The following CCDC192 variants were observed in gnomAD, a reference collection of about 807,000 sequenced individuals.
The protein encoded by CCDC192 is coiled-coil domain-containing protein 192.
At chr5:127,933,103 G>A (rs1754087323) in intron 6 of CCDC192, among the ~76,000 whole-genome samples, 1 of 152,322 alleles carries the variant, frequency 6.6e-6, no homozygotes, top group African/African-American at 2.4e-5. Flanking sequence ...GAGAATTGTG[G>A]AAATGTAGCA....
intron 5 of CCDC192, among the ~76,000 whole-genome samples, chr5:127,858,573 G>A (rs1479165883): frequency 6.6e-6 from 1 of 152,182 alleles, no homozygotes. Context: ...TCCATAACTA[G>A]ACTCTAAATA....
intron 5 of CCDC192, among the ~76,000 whole-genome samples, chr5:127,818,055 A>ATATG (rs1003817810): frequency 2.8e-4 from 43 of 152,338 alleles, no homozygotes; most frequent in African/African-American, 1.0e-3. Flanking sequence ...AGAATAAAGT[A>ATATG]TATGAAAAAA....
At chr5:127,749,625 CATAAA>C (rs1306954877) in intron 2 of CCDC192, among the ~76,000 whole-genome samples, 2 of 151,956 alleles carry the variant, frequency 1.3e-5, no homozygotes, top group Non-Finnish European at 2.9e-5. Flanking sequence ...ATGCTGGCCT[CATAAA>C]ATGAGTTAGG....
intron 3 of CCDC192, among the ~76,000 whole-genome samples, chr5:127,781,633 C>G (rs1309954987): frequency 6.7e-6 from 1 of 148,844 alleles, no homozygotes; most frequent in African/African-American, 2.5e-5. Flanking sequence ...ATTTGATTCT[C>G]CACTTGGTTG....
At chr5:127,830,763 GAA>G (rs59551951) in intron 5 of CCDC192, among the ~76,000 whole-genome samples, 15 of 123,276 alleles carry the variant, frequency 1.2e-4, no homozygotes, top group African/African-American at 4.4e-4. Flanking sequence ...AGGTTTTTGA[GAA>G]AAAAAAAAAA....
At chr5:127,909,791 G>T (rs185278688) in intron 6 of CCDC192, among the ~76,000 whole-genome samples, 42 of 152,192 alleles carry the variant, frequency 2.8e-4, no homozygotes, top group Non-Finnish European at 3.1e-4. Flanking sequence ...AAATTTTCTG[G>T]TCAAAATAGA....
At chr5:127,753,271 C>T (rs1754344361) in intron 2 of CCDC192, among the ~76,000 whole-genome samples, 1 of 152,218 alleles carries the variant, frequency 6.6e-6, no homozygotes, top group Non-Finnish European at 1.5e-5. Context: ...TTTCATATTT[C>T]TTTCTAATTA....
chr5:127,747,477 G>C (rs371469732), intron 2 of CCDC192, among the ~76,000 whole-genome samples: 14 of 152,220 alleles, frequency 9.2e-5, no homozygotes, highest in Admixed American at 5.2e-4. Flanking sequence ...TGGTGTATAT[G>C]TGCCACATTT....
At chr5:127,827,691 C>T (rs1384800700) in intron 5 of CCDC192, among the ~76,000 whole-genome samples, 1 of 152,190 alleles carries the variant, frequency 6.6e-6, no homozygotes, top group Non-Finnish European at 1.5e-5. Context: ...GTACAATGTG[C>T]AAGGGCTGTC....
intron 3 of CCDC192, among the ~76,000 whole-genome samples, chr5:127,761,580 T>C (rs1252308589): frequency 6.6e-6 from 1 of 152,164 alleles, no homozygotes; most frequent in African/African-American, 2.4e-5. Context: ...GTGTTATTCC[T>C]GTTGTTTTTG....
intron 3 of CCDC192, among the ~76,000 whole-genome samples, chr5:127,788,396 A>C (rs1756682937): frequency 6.6e-6 from 1 of 152,008 alleles, no homozygotes; most frequent in Admixed American, 6.5e-5. Flanking sequence ...TTTACTTCCA[A>C]CCTATTTGTT....
intron 5 of CCDC192, among the ~76,000 whole-genome samples, chr5:127,842,749 A>G (rs577177015): frequency 1.3e-5 from 2 of 152,294 alleles, no homozygotes; most frequent in South Asian, 2.1e-4. Context: ...ACCCCTCTAG[A>G]TTGCCTCAAT....
At chr5:127,765,183 T>C (rs956826689) in intron 3 of CCDC192, among the ~76,000 whole-genome samples, 4 of 152,206 alleles carry the variant, frequency 2.6e-5, no homozygotes, top group African/African-American at 9.6e-5. Flanking sequence ...ATAATACTAA[T>C]AGGTTATTAT....
chr5:127,786,593 T>A, intron 3 of CCDC192: 3 of 730,474 alleles, frequency 4.1e-6, no homozygotes, highest in Non-Finnish European at 7.7e-6. Context: ...ATTCCTTTCG[T>A]CCTTTGTCAC....
chr5:127,786,849 G>A (rs1284119342), intron 3 of CCDC192: 2 of 506,744 alleles, frequency 3.9e-6, no homozygotes, highest in Non-Finnish European at 7.5e-6. Flanking sequence ...AGAAACTCTG[G>A]CTCCTCATGC....
In CCDC192 at chr5:127,900,851, G is replaced by A. The variant is rs551614843; in HGVS notation, c.535+25190G>A. 1.1e-4 allele frequency among the ~76,000 whole-genome samples: 16 copies of A among 152,170 alleles called. No homozygotes were observed. The South Asian group carries it at 1.7e-3, about 16-fold the overall frequency. ...TTTATTAAAGCAGTACTGTATAAAC[G>A]TTGCTATGTTCTATCAGAATCTATT... On this transcript the variant is annotated intron_variant, in intron 6 of 6. Transcript: ENST00000514853.
At chr5:127,767,349 C>T (rs143636751) in intron 3 of CCDC192, among the ~76,000 whole-genome samples, 9 of 152,182 alleles carry the variant, frequency 5.9e-5, no homozygotes, top group Admixed American at 1.3e-4. Flanking sequence ...GAGAGATCTT[C>T]GAGAACGGTT....
At chr5:127,726,294 T>A (rs1752316184) in intron 2 of CCDC192, among the ~76,000 whole-genome samples, 1 of 152,206 alleles carries the variant, frequency 6.6e-6, no homozygotes, top group African/African-American at 2.4e-5. Context: ...TCCAGTGAAC[T>A]CCTATGGTAT....
chr5:127,744,442 G>A (rs901831864), intron 2 of CCDC192, among the ~76,000 whole-genome samples: 2 of 152,144 alleles, frequency 1.3e-5, no homozygotes, highest in Admixed American at 6.5e-5. Context: ...TATCTGGCAG[G>A]AAGTTACTGT....
Sources: allele counts gnomAD v4.1 joint callset (sites outside exome capture counted in the v4.1 genomes callset), GRCh38; gene constraint gnomAD v4.1.1; transcripts MANE v1.5; gene names NCBI Gene and HGNC (gene_info 2026-07-23, HGNC 2026-07-21).